Variants in KCNIP4 observed in about 807,000 individuals in gnomAD.
KCNIP4 encodes the protein potassium voltage-gated channel interacting protein 4.
Under a neutral mutation model 34.0 loss-of-function variants are expected in KCNIP4, and 12 were observed. That is an observed-to-expected ratio of 0.35 (90% CI 0.23 to 0.57). The LOEUF is 0.57. Among genes scored for constraint, KCNIP4 ranks in the 20% least tolerant of loss-of-function variants. The probability of loss-of-function intolerance (pLI) is 0.83; values close to 1 mark genes in which losing one functional copy is unlikely to be tolerated. For synonymous variants in KCNIP4, 124 were observed against 102.2 expected, an observed-to-expected ratio of 1.21 and a Z score of -1.29; for missense variants, 238 against 311.7, an observed-to-expected ratio of 0.76 and a Z score of 1.78.
intron 1 of KCNIP4, among the ~76,000 whole-genome samples, chr4:21,266,260 A>G (rs1045684109): frequency 4.8e-4 from 73 of 152,292 alleles, no homozygotes; most frequent in African/African-American, 1.6e-3. Flanking sequence ...TACAATGGAG[A>G]GTAAAGAGGA....
intron 1 of KCNIP4, among the ~76,000 whole-genome samples, chr4:21,209,478 T>C (rs1326615715): frequency 2.0e-5 from 3 of 152,180 alleles, no homozygotes; most frequent in African/African-American, 7.2e-5. Flanking sequence ...TATTTTAGCT[T>C]CCATATATGA....
chr4:21,859,961 A>G (rs1724978901), intron 1 of KCNIP4, among the ~76,000 whole-genome samples: 1 of 152,146 alleles, frequency 6.6e-6, no homozygotes, highest in African/African-American at 2.4e-5. Context: ...GGATTGCTTG[A>G]GCCCTGGAGG....
At chr4:20,737,523 A>T (rs1290991565) in intron 5 of KCNIP4, among the ~76,000 whole-genome samples, 1 of 149,164 alleles carries the variant, frequency 6.7e-6, no homozygotes, top group Non-Finnish European at 1.5e-5. Flanking sequence ...AAGGGAGTTG[A>T]TACATGAGAC....
At chr4:21,591,191 A>G (rs16871499) in intron 1 of KCNIP4, among the ~76,000 whole-genome samples, 10,014 of 152,060 alleles carry the variant, frequency 0.066, 473 homozygotes, top group African/African-American at 0.13. Flanking sequence ...TAGGTGTCAT[A>G]AAAAACAAGG....
intron 1 of KCNIP4, among the ~76,000 whole-genome samples, chr4:21,734,951 G>A (rs1715882656): frequency 6.6e-6 from 1 of 151,978 alleles, no homozygotes; most frequent in Admixed American, 6.6e-5. Context: ...TATAAATAAA[G>A]ATTAGTGTAA....
chr4:21,937,938 G>T (rs1347638912), intron 1 of KCNIP4, among the ~76,000 whole-genome samples: 2 of 152,030 alleles, frequency 1.3e-5, no homozygotes, highest in Non-Finnish European at 2.9e-5. Flanking sequence ...CTGTGCTCTT[G>T]ATTGAAATCT....
At chr4:20,740,830 C>T (rs942000560) in intron 5 of KCNIP4, among the ~76,000 whole-genome samples, 5 of 152,070 alleles carry the variant, frequency 3.3e-5, no homozygotes, top group South Asian at 4.1e-4. Context: ...AGACCCATCT[C>T]GCCTGCAGAG....
chr4:21,068,766 T>C (rs1744637107), intron 1 of KCNIP4, among the ~76,000 whole-genome samples: 1 of 152,228 alleles, frequency 6.6e-6, no homozygotes, highest in Non-Finnish European at 1.5e-5. Flanking sequence ...AATATTCTTA[T>C]TTATTTGTTT....
At chr4:21,299,931 G>A (rs1044744251) in intron 1 of KCNIP4, among the ~76,000 whole-genome samples, 1 of 152,080 alleles carries the variant, frequency 6.6e-6, no homozygotes, top group African/African-American at 2.4e-5. Context: ...TAAATAAGGT[G>A]AGTTGAATAA....
intron 1 of KCNIP4, among the ~76,000 whole-genome samples, chr4:21,667,346 T>G (rs1249471787): frequency 6.6e-6 from 1 of 152,188 alleles, no homozygotes; most frequent in Non-Finnish European, 1.5e-5. Flanking sequence ...TCAAAAACCA[T>G]GTACTGAAAA....
At chr4:20,836,444 T>C (rs1346524418) in intron 3 of KCNIP4, among the ~76,000 whole-genome samples, 4 of 152,214 alleles carry the variant, frequency 2.6e-5, no homozygotes, top group Non-Finnish European at 4.4e-5. Flanking sequence ...AGAGAGATGA[T>C]TGGATCTATG....
At chr4:21,094,171 T>C (rs1420678557) in intron 1 of KCNIP4, among the ~76,000 whole-genome samples, 6 of 152,292 alleles carry the variant, frequency 3.9e-5, no homozygotes, top group African/African-American at 1.4e-4. Flanking sequence ...CAAAATGTTA[T>C]TTAAAAACAA....
intron 1 of KCNIP4, among the ~76,000 whole-genome samples, chr4:21,181,182 A>C (rs568286309): frequency 6.6e-6 from 1 of 152,276 alleles, no homozygotes; most frequent in South Asian, 2.1e-4. Context: ...AAGACATTTA[A>C]GCTGAGTCTT....
intron 1 of KCNIP4, among the ~76,000 whole-genome samples, chr4:21,027,980 T>A (rs1314442181): frequency 1.3e-5 from 2 of 152,182 alleles, no homozygotes; most frequent in Admixed American, 6.5e-5. Flanking sequence ...CTAATAGACA[T>A]CTCACAATCA....
At chr4:20,999,839 C>T (rs1259528678) in intron 1 of KCNIP4, among the ~76,000 whole-genome samples, 1 of 152,062 alleles carries the variant, frequency 6.6e-6, no homozygotes, top group Non-Finnish European at 1.5e-5. Flanking sequence ...AAACTAATTA[C>T]AGTATAAAAG....
chr4:21,519,150 T>A (rs1183421650), intron 1 of KCNIP4, among the ~76,000 whole-genome samples: 1 of 151,984 alleles, frequency 6.6e-6, no homozygotes. Context: ...GTGGGGCCTT[T>A]GGGAGGTGAT....
At chr4:21,783,321 A>G (rs983925358) in intron 1 of KCNIP4, among the ~76,000 whole-genome samples, 16 of 152,328 alleles carry the variant, frequency 1.1e-4, no homozygotes, top group African/African-American at 3.8e-4. Context: ...ACTAAAACTA[A>G]CTTTAAAAAG....
intron 1 of KCNIP4, among the ~76,000 whole-genome samples, chr4:21,652,056 C>A (rs1209635356): frequency 6.6e-6 from 1 of 152,110 alleles, no homozygotes; most frequent in Non-Finnish European, 1.5e-5. Context: ...GAAGTTCCAA[C>A]AGGTCTACAC....
chr4:20,835,930 A>G (rs1315182349), intron 3 of KCNIP4, among the ~76,000 whole-genome samples: 1 of 152,200 alleles, frequency 6.6e-6, no homozygotes, highest in Non-Finnish European at 1.5e-5. Context: ...TAAAATATAG[A>G]TTAAATACTT....
Sources: gnomAD v4.1 joint callset for allele counts (sites outside exome capture counted in the v4.1 genomes callset) on GRCh38, gnomAD v4.1.1 for gene constraint, MANE v1.5 for transcripts, NCBI Gene and HGNC (gene_info 2026-07-23, HGNC 2026-07-21) for gene names.